CSF1R: variants seen among roughly 807,000 people sequenced by gnomAD.
The protein encoded by CSF1R is macrophage colony-stimulating factor 1 receptor.
A neutral mutation model predicts 110.0 loss-of-function variants in CSF1R; 40 were observed. That is an observed-to-expected ratio of 0.36 (90% confidence interval 0.28 to 0.47). CSF1R has a LOEUF of 0.47. Among genes scored for constraint, CSF1R ranks in the 20% least tolerant of loss-of-function variants. The pLI, the probability that CSF1R is intolerant of heterozygous loss-of-function variation, is 0.99. For synonymous variants in CSF1R, 523 were observed against 503.4 expected (o/e 1.04, Z -0.52); for missense variants, 1,052 against 1,253.0 (o/e 0.84, Z 2.42).
At chr5:150,080,000 C>A (rs1407405160) in intron 3 of CSF1R, 52 bp downstream of exon 3, 2 of 1,580,510 alleles carry the variant, frequency 1.3e-6, no homozygotes, top group East Asian at 4.5e-5. Context: ...TGGCCGCCGG[C>A]TCTCTGTCCC....
At chr5:150,084,113 G>A (rs114436902) in intron 1 of CSF1R, among the ~76,000 whole-genome samples, 8,063 of 152,060 alleles carry the variant, frequency 0.053, 296 homozygotes, top group Non-Finnish European at 0.078. Flanking sequence ...AAGGCAGGGG[G>A]ATCGCTTGAG....
intron 4 of CSF1R, among the ~76,000 whole-genome samples, 200 bp downstream of exon 4, chr5:150,077,912 G>A (rs919031711): frequency 6.6e-6 from 1 of 150,710 alleles, no homozygotes; most frequent in Non-Finnish European, 1.5e-5. Context: ...AAGTTCAGCG[G>A]CACAAGCATG....
chr5:150,084,321 A>T, intron 1 of CSF1R, among the ~76,000 whole-genome samples: 1 of 148,748 alleles, frequency 6.7e-6, no homozygotes, highest in African/African-American at 2.5e-5. Context: ...ACAGAGCAAG[A>T]CTCGGTCTCA....
chr5:150,070,345 C>T (rs1443288577), intron 7 of CSF1R, 43 bp from the exon 8 acceptor site: 2 of 1,604,062 alleles, frequency 1.2e-6, no homozygotes, highest in Non-Finnish European at 1.7e-6. Flanking sequence ...CTTTCCCCGC[C>T]ACCTCCCAAT....
intron 14 of CSF1R, 34 bp from the exon 15 acceptor site, chr5:150,057,626 A>AGT (rs1757289796): frequency 1.3e-6 from 2 of 1,528,102 alleles, no homozygotes; most frequent in African/African-American, 2.7e-5. Context: ...GGCAGAGGTC[A>AGT]CTCATCATCA....
chr5:150,077,349 A>C lies in CSF1R; in HGVS notation c.816T>G (p.His272Gln). Residue 272 changes from histidine to glutamine, a missense_variant, in exon 5 of 21, where the codon CAT becomes CAG. By Grantham distance (24) the His-to-Gln change is conservative. Coordinates refer to ENST00000675795, the MANE Select transcript of CSF1R (RefSeq NM_001288705.3). ...TGGCCACGCAGGAGTAGTTGCCGGCATGTTGGAAATCTACTTGATCGAGGT... is the reference window on the plus strand; with the variant it reads ...TGGCCACGCAGGAGTAGTTGCCGGCCTGTTGGAAATCTACTTGATCGAGGT... The part of the protein sequence containing the change: ...TLNLDQVDFQ[H>Q]AGNYSCVASN... 6.2e-7 allele frequency: 1 copy of C among 1,614,206 alleles called. No individual in the cohort carries two copies. Among genetic ancestry groups the C allele is most frequent in the Non-Finnish European group, 8.5e-7 (1 of 1,180,046 alleles).
At chr5:150,072,944 T>C (rs1469067523) in intron 6 of CSF1R, among the ~76,000 whole-genome samples, 1 of 152,206 alleles carries the variant, frequency 6.6e-6, no homozygotes, top group East Asian at 1.9e-4. Flanking sequence ...AGTGTGTCTA[T>C]GAGTGGGGCT....
At chr5:150,108,194 A>C (rs1759609560) in intron 1 of CSF1R, among the ~76,000 whole-genome samples, 1 of 152,252 alleles carries the variant, frequency 6.6e-6, no homozygotes, top group African/African-American at 2.4e-5. Context: ...GTGAGGGCCC[A>C]TAAGAGGCAC....
At chr5:150,070,137 C>G (rs368488335) in intron 8 of CSF1R, 45 bp downstream of exon 8, 1 of 1,609,614 alleles carries the variant, frequency 6.2e-7, no homozygotes, top group Non-Finnish European at 8.5e-7. Flanking sequence ...CACAGGGTGC[C>G]CAGCCCCTGA....
chr5:150,112,579 G>C (rs1483081368), intron 1 of CSF1R, among the ~76,000 whole-genome samples: 1 of 152,254 alleles, frequency 6.6e-6, no homozygotes, highest in African/African-American at 2.4e-5. Context: ...TCCCTGTCTG[G>C]AATGTGGGCT....
chr5:150,105,463 G>T (rs936265630), intron 1 of CSF1R, among the ~76,000 whole-genome samples: 1 of 148,494 alleles, frequency 6.7e-6, no homozygotes, highest in Admixed American at 6.8e-5. Flanking sequence ...TGATCTGCCC[G>T]TTTTGGCTTC....
At chr5:150,058,102 T>C (rs1343378051) in intron 14 of CSF1R, 1 of 407,814 alleles carries the variant, frequency 2.5e-6, no homozygotes, top group Non-Finnish European at 4.9e-6. Context: ...CCCCAGGTGA[T>C]CACAAAGTAC....
chr5:150,061,033 G>C, intron 12 of CSF1R, 61 bp from the exon 13 acceptor site: 2 of 1,185,656 alleles, frequency 1.7e-6, no homozygotes, highest in South Asian at 2.6e-5. Context: ...GCACCACACA[G>C]ATACATGGGG....
chr5:150,055,854 A>C (rs1757188561), intron 18 of CSF1R, among the ~76,000 whole-genome samples, 172 bp downstream of exon 18: 1 of 152,262 alleles, frequency 6.6e-6, no homozygotes, highest in Non-Finnish European at 1.5e-5. Context: ...TCAGGGGCAG[A>C]GGGTCTGCCG....
chr5:150,054,614 AG>A (rs1757107468), intron 19 of CSF1R, 184 bp from the exon 20 acceptor site: 2 of 565,750 alleles, frequency 3.5e-6, no homozygotes, highest in South Asian at 5.0e-5. Flanking sequence ...CCCTTGCAGA[AG>A]GGTACTCTCA....
At chr5:150,079,580 T>C (rs1325623632) in intron 3 of CSF1R, among the ~76,000 whole-genome samples, 1 of 151,738 alleles carries the variant, frequency 6.6e-6, no homozygotes, top group African/African-American at 2.4e-5. Flanking sequence ...GGGAAATCCA[T>C]GTCTGAGGCT....
intron 4 of CSF1R, 22 bp downstream of exon 4, chr5:150,078,090 C>A: frequency 1.2e-6 from 2 of 1,613,610 alleles, no homozygotes; most frequent in South Asian, 1.1e-5. Flanking sequence ...CAGACTTCAC[C>A]TTGTGATCTG....
At chr5:150,082,336 A>T (rs1758589791) in intron 1 of CSF1R, among the ~76,000 whole-genome samples, 1 of 152,230 alleles carries the variant, frequency 6.6e-6, no homozygotes. Flanking sequence ...AGAGCCCAGA[A>T]TTGGAAAGGT....
At chr5:150,068,716 G>A (rs1757894382) in intron 9 of CSF1R, among the ~76,000 whole-genome samples, 1 of 152,152 alleles carries the variant, frequency 6.6e-6, no homozygotes, top group Non-Finnish European at 1.5e-5. Flanking sequence ...AAGGCCTTCT[G>A]GAGGTCACAC....
Sources: gnomAD v4.1 joint callset for allele counts (sites outside exome capture counted in the v4.1 genomes callset) on GRCh38, gnomAD v4.1.1 for gene constraint, MANE v1.5 for transcripts, NCBI Gene and HGNC (gene_info 2026-07-23, HGNC 2026-07-21) for gene names.